DCAF7: variants seen among roughly 807,000 people sequenced by gnomAD.
DCAF7 encodes DDB1- and CUL4-associated factor 7.
In DCAF7, 4 loss-of-function variants were observed where a neutral mutation model predicts 41.2. The ratio of observed to expected loss-of-function variants is 0.10; its 90% confidence interval spans 0.05 to 0.22. DCAF7 has a LOEUF of 0.22. Among genes scored for constraint, DCAF7 ranks in the 10% least tolerant of loss-of-function variants. The pLI, the probability that DCAF7 is intolerant of heterozygous loss-of-function variation, is 1.00. For missense variants in DCAF7, 131 were observed against 443.2 expected, an observed-to-expected ratio of 0.30 and a Z score of 6.32; for synonymous variants, 143 against 164.2, an observed-to-expected ratio of 0.87 and a Z score of 0.99.
intron 1 of DCAF7, chr17:63,573,154 G>C (rs1275543319): frequency 6.6e-6 from 1 of 152,080 alleles, no homozygotes; most frequent in Admixed American, 6.6e-5. Flanking sequence ...TACATAATAG[G>C]TGTATCTATT....
intron 6 of DCAF7, 102 bp downstream of exon 6, chr17:63,585,430 A>T: frequency 9.3e-7 from 1 of 1,074,546 alleles, no homozygotes; most frequent in Non-Finnish European, 1.4e-6. Context: ...CACAGTCTTG[A>T]GAGATTTATA....
chr17:63,579,569 G>C, intron 3 of DCAF7, 121 bp downstream of exon 3: 2 of 745,624 alleles, frequency 2.7e-6, no homozygotes, highest in South Asian at 3.6e-5. Flanking sequence ...GGCGTGGAAT[G>C]TGGTTATTTA....
intron 1 of DCAF7, among the ~76,000 whole-genome samples, chr17:63,559,361 ATG>A (rs1568097707): frequency 1.7e-5 from 2 of 119,490 alleles, no homozygotes; most frequent in Admixed American, 8.6e-5. Flanking sequence ...ATATATATGT[ATG>A]TATATATATA....
rs2033750388 is a variant in DCAF7, at chr17:63,593,022, A to C, written c.*3850A>C. 6.6e-6 allele frequency: 1 copy of C among 152,258 alleles called. No homozygotes were observed. The highest frequency in any genetic ancestry group is 1.5e-5 in the Non-Finnish European group (1 of 68,120). 9.4% of individuals were successfully genotyped at this position (152,258 alleles called of 1,614,324 possible). Reference sequence around the variant, plus strand: ...AGCTGCAGGGTTTACCACACGTGGGAGGGCAGCCCAGTACTGTCCCTCTGC... The same window carrying C: ...AGCTGCAGGGTTTACCACACGTGGGCGGGCAGCCCAGTACTGTCCCTCTGC... On this transcript the variant is annotated 3_prime_UTR_variant, in exon 7 of 7. Transcript: ENST00000614556.
Position 63,550,607 on chromosome 17 carries a change from A to C in DCAF7, c.-71A>C. ...TCCTCTCCTCCCTTCGGACCCATAGATCTCAGGCTCGGCTCCCCGCCCGCC... is the reference window on the plus strand; with the variant it reads ...TCCTCTCCTCCCTTCGGACCCATAGCTCTCAGGCTCGGCTCCCCGCCCGCC... On this transcript the variant is annotated 5_prime_UTR_variant, in exon 1 of 7. Transcript: ENST00000614556. This position sits in a 1 kb window ranked among gnomAD's most constrained non-coding sequence, Gnocchi z 4.8. 3.8e-6 allele frequency: 6 copies of C among 1,587,850 alleles called. No homozygotes were observed. Among genetic ancestry groups the C allele is most frequent in the Non-Finnish European group, 5.1e-6 (6 of 1,166,194 alleles).
intron 1 of DCAF7, among the ~76,000 whole-genome samples, chr17:63,562,577 G>T (rs2033394875): frequency 6.6e-6 from 1 of 150,826 alleles, no homozygotes; most frequent in African/African-American, 2.4e-5. Context: ...TAGGGTACAT[G>T]TGCACAATGT....
chr17:63,557,992 C>T (rs573766371), intron 1 of DCAF7, among the ~76,000 whole-genome samples: 3 of 152,190 alleles, frequency 2.0e-5, no homozygotes, highest in African/African-American at 7.2e-5. Flanking sequence ...ACCTCCTAGG[C>T]TTAATCGATT....
chr17:63,571,829 TAG>T (rs2033510237), intron 1 of DCAF7, among the ~76,000 whole-genome samples: 1 of 152,044 alleles, frequency 6.6e-6, no homozygotes, highest in Non-Finnish European at 1.5e-5. Flanking sequence ...TTCCTAAGAA[TAG>T]AGAGTCCTGG....
At chr17:63,573,746 AT>A (rs2033532144) in intron 1 of DCAF7, among the ~76,000 whole-genome samples, 1 of 151,526 alleles carries the variant, frequency 6.6e-6, no homozygotes, top group Non-Finnish European at 1.5e-5. Flanking sequence ...AAAAAAAAAA[AT>A]TATGCAAAGG....
chr17:63,570,714 A>G (rs866546025), intron 1 of DCAF7, among the ~76,000 whole-genome samples: 69 of 152,174 alleles, frequency 4.5e-4, no homozygotes, highest in African/African-American at 1.6e-3. Flanking sequence ...ATTGTTTTTC[A>G]TAGGGAAAAT....
intron 5 of DCAF7, among the ~76,000 whole-genome samples, chr17:63,584,441 C>T (rs1301907838): frequency 3.3e-5 from 5 of 151,126 alleles, no homozygotes; most frequent in Non-Finnish European, 7.4e-5. Flanking sequence ...GCACTCAAGC[C>T]TGGGAGATAG....
chr17:63,582,939 G>A (rs189600692), intron 4 of DCAF7, among the ~76,000 whole-genome samples: 12 of 152,318 alleles, frequency 7.9e-5, no homozygotes, highest in East Asian at 7.7e-4. Flanking sequence ...TAGGACAAGC[G>A]GGTGCTACTA....
intron 6 of DCAF7, among the ~76,000 whole-genome samples, chr17:63,588,306 G>A (rs1470920367): frequency 6.7e-6 from 1 of 149,428 alleles, no homozygotes; most frequent in Non-Finnish European, 1.5e-5. Flanking sequence ...TCCTGCCTCA[G>A]CCACCGAAGT....
chr17:63,550,900 A>T lies in DCAF7; in HGVS notation c.138+85A>T, dbSNP rs897703147. ...TCCGGGCCGGAGCCCAGGCCTCAGA[A>T]CCCTCTTGCGGACTCGCCCTAGGGC... On this transcript the variant is annotated intron_variant, in intron 1 of 6. Coordinates refer to ENST00000614556, the MANE Select transcript of DCAF7 (RefSeq NM_005828.5). This position sits in a 1 kb window ranked among gnomAD's most constrained non-coding sequence, Gnocchi z 4.8. 7 of 1,536,930 alleles carry T rather than the reference A, an allele frequency of 4.6e-6. No homozygotes were observed. Among genetic ancestry groups the T allele is most frequent in the Non-Finnish European group, 6.1e-6 (7 of 1,143,004 alleles).
chr17:63,583,682 C>G lies in DCAF7; in HGVS notation c.709C>G (p.Leu237Val). 3.7e-6 allele frequency: 6 copies of G among 1,613,900 alleles called. No individual in the cohort carries two copies. Among genetic ancestry groups the G allele is most frequent in the Non-Finnish European group, 5.1e-6 (6 of 1,179,818 alleles). Residue 237 changes from leucine (L) to valine (V), a missense_variant, in exon 5 of 7, where the codon CTG (leucine) becomes GTG (valine). Transcript: ENST00000614556. Reference sequence around the variant, plus strand: ...CTGGAACAAGCAGGACCCTAACTACCTGGCCACCATGGCCATGGATGGAAT... The same window carrying G: ...CTGGAACAAGCAGGACCCTAACTACGTGGCCACCATGGCCATGGATGGAAT... ...LCWNKQDPNY[L>V]ATMAMDGMEV... is the part of the protein sequence containing the mutation.
At position 63,593,991 on chromosome 17, in the gene DCAF7, G is replaced by A. The variant is rs2033759985; in HGVS notation, c.*4819G>A. On this transcript the variant is annotated 3_prime_UTR_variant, in exon 7 of 7. Transcript: ENST00000614556. ...AAGCTGCCCCTTGCAGAACTGTACT[G>A]TAATATTTTTCTTTTATAAATATTT... 1.3e-5 allele frequency: 2 copies of A among 152,708 alleles called. No homozygotes were observed. The highest frequency in any genetic ancestry group is 4.1e-4 in the South Asian group (2 of 4,824). 9.5% of individuals were successfully genotyped at this position (152,708 alleles called of 1,614,324 possible).
chr17:63,551,931 A>AAAAAAAAAAAAAAAAAAAAG (rs1568095488), intron 1 of DCAF7, among the ~76,000 whole-genome samples: 1 of 118,954 alleles, frequency 8.4e-6, no homozygotes, highest in Non-Finnish European at 1.7e-5. Flanking sequence ...AAAAAAAAAA[A>AAAAAAAAAAAAAAAAAAAAG]GCCGGGCGTA....
At chr17:63,561,709 GA>G (rs2033382519) in intron 1 of DCAF7, among the ~76,000 whole-genome samples, 3 of 152,282 alleles carry the variant, frequency 2.0e-5, no homozygotes, top group Admixed American at 2.0e-4. Context: ...GACAGAGTGA[GA>G]CCCCATCTCG....
In DCAF7 at chr17:63,580,507, CTTTTTTTTTTTT is replaced by C. The variant is rs530801174; in HGVS notation, c.528+581_528+592del. On this transcript the variant is annotated intron_variant, in intron 4 of 6. Transcript: ENST00000614556. ...AACTGAGAAGAGCTATTTGTGATTG[CTTTTTTTTTTTT>C]TTTTTTTTTTTTTTTTGAGACAAAG... Among the ~76,000 whole-genome samples, 15 of 43,898 alleles carry C rather than the reference CTTTTTTTTTTTT, an allele frequency of 3.4e-4. No individual in the cohort carries two copies. In the East Asian group the frequency reaches 4.4e-3, roughly 13 times the overall value. 28.8% of individuals were successfully genotyped at this position (43,898 alleles called of 152,430 possible).
Sources: gnomAD v4.1 joint callset for allele counts (sites outside exome capture counted in the v4.1 genomes callset) on GRCh38, gnomAD v4.1.1 for gene constraint, Gnocchi (gnomAD v3.1) non-coding constraint, MANE v1.5 for transcripts, NCBI Gene and HGNC (gene_info 2026-07-23, HGNC 2026-07-21) for gene names.